Variants in SEZ6L2 observed in about 807,000 individuals in gnomAD.
SEZ6L2 encodes the protein seizure related 6 homolog like 2.
Under a neutral mutation model 97.0 loss-of-function variants are expected in SEZ6L2, and 44 were observed. The observed-to-expected ratio is 0.45, with a 90% CI of 0.36 to 0.58. The LOEUF (loss-of-function observed/expected upper bound fraction) is 0.58. Ranked by LOEUF, SEZ6L2 falls within the 20% of genes least tolerant of loss-of-function variation. The pLI is 0.00. For synonymous variants in SEZ6L2, 543 were observed against 546.1 expected (o/e 0.99, Z 0.08); for missense variants, 1,086 against 1,233.3 (o/e 0.88, Z 1.79).
intron 5 of SEZ6L2, among the ~76,000 whole-genome samples, chr16:29,893,208 C>T (rs1028273396): frequency 6.6e-6 from 1 of 151,796 alleles, no homozygotes; most frequent in Non-Finnish European, 1.5e-5. Flanking sequence ...CTTGTAATCC[C>T]AGCTACTCAG....
intron 5 of SEZ6L2, 110 bp from the exon 6 acceptor site, chr16:29,888,835 A>T: frequency 1.1e-6 from 1 of 944,172 alleles, no homozygotes; most frequent in African/African-American, 1.7e-5. Context: ...CCAGGGGCAC[A>T]CACTGGCTCC....
chr16:29,897,347 C>A (rs2068426376), intron 2 of SEZ6L2, among the ~76,000 whole-genome samples: 1 of 151,508 alleles, frequency 6.6e-6, no homozygotes, highest in African/African-American at 2.4e-5. Context: ...TCTCTCCACC[C>A]AGCCCCTTCC....
rs139955633 is a variant in SEZ6L2 at position 29,872,242 on chromosome 16, G to C, written c.2687C>G (p.Ser896Cys). The change falls in exon 17 of 18, where the codon TCC (serine) becomes TGC (cysteine). Residue 896 changes from serine (S) to cysteine (C), a missense_variant. Around this residue, in one of 2 missense-constraint regions of SEZ6L2, gnomAD observed 310 missense variants for 438.6 expected, o/e 0.71. Transcript: ENST00000617533. ...CGACTCCACGGTGATGGGGCTGTAG[G>C]AGTGGGAGCCCGAGAAGCCGAAAAG... ...KSLFGFSGSH[S>C]YSPITVESDF... 105 of 1,612,752 alleles carry C rather than the reference G, an allele frequency of 6.5e-5. No individual in the cohort carries two copies. The highest frequency in any genetic ancestry group is 8.2e-5 in the Non-Finnish European group (97 of 1,179,478).
chr16:29,878,709 C>T lies in SEZ6L2; in HGVS notation c.1574-284G>A, dbSNP rs567091823. ...ACGCCATTCTCCTGCCTCAGCCTCC[C>T]GAGTAGCTGGGACTACAGGCGCCGC... On this transcript the variant is annotated intron_variant, in intron 9 of 17. Transcript: ENST00000617533. 1.7e-4 allele frequency among the ~76,000 whole-genome samples: 25 copies of T among 150,666 alleles called. 1 individual carries two copies. The highest frequency in any genetic ancestry group is 5.8e-4 in the African/African-American group (24 of 41,050).
At chr16:29,887,944 C>T (rs2068183898) in intron 6 of SEZ6L2, 127 bp from the exon 7 acceptor site, 2 of 1,033,156 alleles carry the variant, frequency 1.9e-6, no homozygotes, top group Non-Finnish European at 2.8e-6. Flanking sequence ...GGGCTGGCCT[C>T]TGTCCCATGG....
Position 29,871,523 on chromosome 16 carries a change from C to T in SEZ6L2, c.*176G>A. 1.5e-6 allele frequency: 1 copy of T among 677,868 alleles called. No homozygotes were observed. The allele number at this position is 677,868 out of a possible 1,614,324, so 42.0% of individuals were successfully genotyped here. Reference sequence around the variant, plus strand: ...AGAGGCGGCTTTGGGCGGCAGGATGCTGGTTTATTTACTGTAGGATCTCCA... The same window carrying T: ...AGAGGCGGCTTTGGGCGGCAGGATGTTGGTTTATTTACTGTAGGATCTCCA... On this transcript the variant is annotated 3_prime_UTR_variant, in exon 18 of 18. Transcript: ENST00000617533.
intron 8 of SEZ6L2, among the ~76,000 whole-genome samples, chr16:29,883,512 C>G (rs975463345): frequency 6.6e-6 from 1 of 152,018 alleles, no homozygotes; most frequent in African/African-American, 2.4e-5. Context: ...GACACAGGAT[C>G]TCACTATGTT....
At position 29,887,666 on chromosome 16, in the gene SEZ6L2, C is replaced by T. The variant is rs770435283; in HGVS notation, c.1191G>A (p.Leu397=). The change falls in exon 7 of 18, where the codon CTG becomes CTA. Residue 397 remains leucine, a synonymous_variant. Coordinates refer to ENST00000617533, the MANE Select transcript of SEZ6L2 (RefSeq NM_001243332.2). The stretch of plus-strand genomic sequence containing the variant: ...ACCCTTACCGGTCATTGTCCTCATC[C>T]AGCGAGACCCTTTCAAAGTGCAGGT... ...RLHLHFERVS[L]DEDNDRLMVR... 6.3e-7 allele frequency: 1 copy of T among 1,585,744 alleles called. No individual in the cohort carries two copies. Among genetic ancestry groups the T allele is most frequent in the African/African-American group, 1.3e-5 (1 of 74,232 alleles).
At chr16:29,888,242 G>T (rs2068189776) in intron 6 of SEZ6L2, among the ~76,000 whole-genome samples, 2 of 151,998 alleles carry the variant, frequency 1.3e-5, no homozygotes, top group Non-Finnish European at 1.5e-5. Context: ...CCTAAAAATG[G>T]CTTCCTCTAG....
intron 9 of SEZ6L2, 126 bp downstream of exon 9, chr16:29,879,738 A>T: frequency 1.2e-6 from 1 of 859,952 alleles, no homozygotes; most frequent in Non-Finnish European, 1.8e-6. Flanking sequence ...AGGGACAGGG[A>T]TTTACCCAAG....
In SEZ6L2 at chr16:29,895,289, T is replaced by C; in HGVS notation, c.823A>G (p.Arg275Gly). 1 of 1,613,748 alleles carries C rather than the reference T, an allele frequency of 6.2e-7. No homozygotes were observed. The highest frequency in any genetic ancestry group is 8.5e-7 in the Non-Finnish European group (1 of 1,179,932). ...TAGTGGATCCTGAAGCCACCGCCCCTTGGGACCCGTGGGCTCTGGAAGTGC... is the reference window on the plus strand; with the variant it reads ...TAGTGGATCCTGAAGCCACCGCCCCCTGGGACCCGTGGGCTCTGGAAGTGC... ...LLHFQSPRVPRGGGFRIHYQA... is the reference protein window; with the variant it reads ...LLHFQSPRVPGGGGFRIHYQA... Residue 275 changes from arginine to glycine, a missense_variant, in exon 5 of 18, where the codon AGG becomes GGG. Physicochemically the swap from Arg to Gly is moderately radical, Grantham distance 125 (BLOSUM62 -2). Around this residue, in one of 2 missense-constraint regions of SEZ6L2, gnomAD observed 776 missense variants for 794.7 expected, o/e 0.98. Coordinates refer to ENST00000617533, the MANE Select transcript of SEZ6L2 (RefSeq NM_001243332.2).
intron 16 of SEZ6L2, 59 bp downstream of exon 16, chr16:29,872,350 C>T (rs558318715): frequency 2.9e-4 from 464 of 1,603,004 alleles, no homozygotes; most frequent in Admixed American, 5.0e-4. Flanking sequence ...GACCCAGGCT[C>T]CAGTGCCAGG....
chr16:29,877,239 C>G (rs780442838), intron 11 of SEZ6L2, 32 bp downstream of exon 11: 1 of 1,515,026 alleles, frequency 6.6e-7, no homozygotes, highest in South Asian at 1.3e-5. Context: ...CTGCCCGACC[C>G]CTGCCCATCC....
rs774660589 is a variant in SEZ6L2 at position 29,871,768 on chromosome 16, A to T, written c.2743-40T>A. 5 of 1,592,750 alleles carry T rather than the reference A, an allele frequency of 3.1e-6. No individual in the cohort carries two copies. In the Admixed American group the frequency reaches 8.7e-5, roughly 28 times the overall value. ...ATCAGGTCAGTTGTTGGAGTCTGAT[A>T]GGGGTGGAAGAGGCAGCCGAATGGG... On this transcript the variant is annotated intron_variant, in intron 17 of 17. Transcript: ENST00000617533.
At position 29,888,723 on chromosome 16, in the gene SEZ6L2, A is replaced by G. The variant is rs564477084; in HGVS notation, c.856T>C (p.Tyr286His). 1.7e-4 allele frequency: 278 copies of G among 1,610,800 alleles called. 6 individuals carry two copies. The South Asian group carries it at 3.0e-3, about 17-fold the overall frequency. The change falls in exon 6 of 18, where the codon TAC becomes CAC. Residue 286 changes from tyrosine (Y) to histidine (H), a missense_variant and splice_region_variant. Tyr to His is a moderately conservative substitution (Grantham distance 83, BLOSUM62 2). Around this residue, in one of 2 missense-constraint regions of SEZ6L2, gnomAD observed 776 missense variants for 794.7 expected, o/e 0.98. Transcript: ENST00000617533. ...GGAGGGAAGCCACAGCTCAGGAGGT[A>G]GGCTGCACCAGACAGACAGCGGGTA... ...GGGFRIHYQA[Y>H]LLSCGFPPRP... is the part of the protein sequence containing the mutation.
intron 8 of SEZ6L2, among the ~76,000 whole-genome samples, chr16:29,880,868 C>T (rs1380243192): frequency 6.6e-6 from 1 of 151,684 alleles, no homozygotes; most frequent in Non-Finnish European, 1.5e-5. Context: ...CTCAAGTGAT[C>T]CTCCCACCTC....
At chr16:29,887,856 G>A (rs774954548) in intron 6 of SEZ6L2, 39 bp from the exon 7 acceptor site, 4 of 1,607,980 alleles carry the variant, frequency 2.5e-6, no homozygotes, top group South Asian at 2.2e-5. Flanking sequence ...CCAGCCTGAG[G>A]TGAACTGTCC....
rs1225405607 is a variant in SEZ6L2, at chr16:29,895,411, C to T, written c.701G>A (p.Gly234Asp). The T allele has an allele frequency of 6.2e-7, 1 of 1,613,984 alleles. No individual in the cohort carries two copies. The highest frequency in any genetic ancestry group is 1.1e-5 in the South Asian group (1 of 91,090). The stretch of plus-strand genomic sequence containing the variant: ...GGGGGCCAGGCCTGGGGATCCCCCA[C>T]CAGCCAGCACCAGGAGCTCCTCTTC... ...SQEEELLVLA[G>D]GGSPGLAPRL... Residue 234 changes from glycine (G) to aspartate (D), a missense_variant, in exon 5 of 18, where the codon GGT (glycine) becomes GAT (aspartate). By Grantham distance (94) the Gly-to-Asp change is moderately conservative. Coordinates refer to ENST00000617533, the MANE Select transcript of SEZ6L2 (RefSeq NM_001243332.2).
chr16:29,878,355 G>A lies in SEZ6L2; in HGVS notation c.1644C>T (p.Ser548=), dbSNP rs375026218. The A allele has an allele frequency of 2.5e-6, 4 of 1,607,156 alleles. No individual in the cohort carries two copies. The highest frequency in any genetic ancestry group is 2.6e-6 in the Non-Finnish European group (3 of 1,176,466). The change falls in exon 10 of 18, where the codon AGC becomes AGT. Residue 548 remains serine, a synonymous_variant. Transcript: ENST00000617533. ...CGCCCCACACGCAGTCTTGGCCCGGGCTATAGCTCTGGGGCCAGTCGGGAG... is the reference window on the plus strand; with the variant it reads ...CGCCCCACACGCAGTCTTGGCCCGGACTATAGCTCTGGGGCCAGTCGGGAG... ...VLSPDWPQSY[S]PGQDCVWGVH... is the part of the protein sequence containing the mutation.
Sources: allele counts gnomAD v4.1 joint callset (sites outside exome capture counted in the v4.1 genomes callset), GRCh38; gene constraint gnomAD v4.1.1; regional missense constraint gnomAD v4.1.1; transcripts MANE v1.5; gene names NCBI Gene and HGNC (gene_info 2026-07-23, HGNC 2026-07-21).